DSG2: variants seen among roughly 807,000 people sequenced by gnomAD.
DSG2 encodes desmoglein-2.
DSG2 carries 45 observed loss-of-function variants against 75.6 expected under a neutral mutation model. That is an observed-to-expected ratio of 0.60 (90% CI 0.47 to 0.76). The LOEUF (loss-of-function observed/expected upper bound fraction) is 0.76. Ranked by LOEUF, DSG2 falls within the 30% of genes least tolerant of loss-of-function variation. The pLI is 0.00. For synonymous variants in DSG2, 429 were observed against 483.9 expected (o/e 0.89, Z 1.49); for missense variants, 1,267 against 1,357.4 (o/e 0.93, Z 1.05).
rs1284327629 is a variant in DSG2, at chr18:31,515,326, C to T, written c.46-2913C>T. On this transcript the variant is annotated intron_variant, in intron 1 of 14. Coordinates refer to ENST00000261590, the MANE Select transcript of DSG2 (RefSeq NM_001943.5). Reference sequence around the variant, plus strand: ...TTTACCGTGTTAGCCAGGATGGTCTCGATCATCAGACCTCATGATCCGCCT... The same window carrying T: ...TTTACCGTGTTAGCCAGGATGGTCTTGATCATCAGACCTCATGATCCGCCT... 3.9e-5 allele frequency among the ~76,000 whole-genome samples: 6 copies of T among 151,982 alleles called. No homozygotes were observed. The East Asian group carries it at 7.7e-4, about 20-fold the overall frequency.
At chr18:31,518,067 C>A (rs1314779386) in intron 1 of DSG2, among the ~76,000 whole-genome samples, 172 bp from the exon 2 acceptor site, 1 of 152,124 alleles carries the variant, frequency 6.6e-6, no homozygotes, top group Non-Finnish European at 1.5e-5. Flanking sequence ...TCGGGCACTT[C>A]CCATTAGGGA....
chr18:31,546,472 T>C lies in DSG2; in HGVS notation c.3086T>C (p.Val1029Ala), dbSNP rs769806198. 3 of 1,614,176 alleles carry C rather than the reference T, an allele frequency of 1.9e-6. No homozygotes were observed. Among genetic ancestry groups the C allele is most frequent in the Non-Finnish European group, 2.5e-6 (3 of 1,180,020 alleles). ...RESFLAPSSG[V>A]QPTLAMPNIA... ...AGCTTCCTTGCCCCCAGCTCAGGTG[T>C]GCAGCCTACTCTGGCCATGCCTAAT... Residue 1029 changes from valine (V) to alanine (A), a missense_variant, in exon 15 of 15, where the codon GTG (valine) becomes GCG (alanine). Val to Ala is a moderately conservative substitution (Grantham distance 64, BLOSUM62 0). Coordinates refer to ENST00000261590, the MANE Select transcript of DSG2 (RefSeq NM_001943.5).
chr18:31,498,772 C>A (rs1321404253), intron 1 of DSG2, among the ~76,000 whole-genome samples: 1 of 152,172 alleles, frequency 6.6e-6, no homozygotes, highest in African/African-American at 2.4e-5. Flanking sequence ...AAACCAGGAA[C>A]ATACTTGTAT....
Position 31,546,245 on chromosome 18 carries a change from G to A in DSG2, c.2859G>A (p.Leu953=), listed in dbSNP as rs1297736522. 1.2e-6 allele frequency: 2 copies of A among 1,608,164 alleles called. No individual in the cohort carries two copies. The highest frequency in any genetic ancestry group is 1.7e-6 in the Non-Finnish European group (2 of 1,176,716). Residue 953 remains leucine, a synonymous_variant, in exon 15 of 15, where the codon CTG becomes CTA. Coordinates refer to ENST00000261590, the MANE Select transcript of DSG2 (RefSeq NM_001943.5). ...GSTMPPTTVI[L]GPSQPQSLIV... is the part of the protein sequence containing the mutation. ...CTATGCCACCAACCACTGTGATCCTGGGTCCTAGCCAGCCACAGAGCCTTA... is the reference window on the plus strand; with the variant it reads ...CTATGCCACCAACCACTGTGATCCTAGGTCCTAGCCAGCCACAGAGCCTTA...
intron 8 of DSG2, among the ~76,000 whole-genome samples, chr18:31,530,394 T>C (rs992234091): frequency 1.2e-4 from 19 of 152,122 alleles, no homozygotes; most frequent in Middle Eastern, 3.2e-3. Flanking sequence ...GATTGTTAAA[T>C]ATATATACAC....
Position 31,546,038 on chromosome 18 carries a change from T to C in DSG2, c.2652T>C (p.Ser884=). The C allele has an allele frequency of 6.2e-7, 1 of 1,614,206 alleles. No homozygotes were observed. Among genetic ancestry groups the C allele is most frequent in the Non-Finnish European group, 8.5e-7 (1 of 1,180,048 alleles). ...TTAATTCAGAGAATACCTACTCCTC[T>C]GGCAGTAGCTTCCCAGTTCCAAAAT... ...TMVNSENTYS[S]GSSFPVPKSL... is the part of the protein sequence containing the mutation. Residue 884 remains serine (S), a synonymous_variant, in exon 15 of 15, where the codon TCT becomes TCC. Coordinates refer to ENST00000261590, the MANE Select transcript of DSG2 (RefSeq NM_001943.5).
At chr18:31,522,007 A>G in intron 5 of DSG2, 76 bp from the exon 6 acceptor site, 1 of 1,423,994 alleles carries the variant, frequency 7.0e-7, no homozygotes, top group Non-Finnish European at 9.7e-7. Context: ...GGAACAAGCT[A>G]AAATTATAAA....
chr18:31,499,517 AT>A (rs909687621), intron 1 of DSG2, among the ~76,000 whole-genome samples: 1 of 152,022 alleles, frequency 6.6e-6, no homozygotes, highest in African/African-American at 2.4e-5. Flanking sequence ...TATCCATTTC[AT>A]TTTCCCCGTG....
In DSG2 at chr18:31,498,285, C is replaced by T; in HGVS notation, c.34C>T (p.Leu12=). The change falls in exon 1 of 15, where the codon CTG becomes TTG. Residue 12 remains leucine (L), a synonymous_variant. Coordinates refer to ENST00000261590, the MANE Select transcript of DSG2 (RefSeq NM_001943.5). The part of the protein sequence containing the change: ...ARSPGRAYAL[L]LLLICFNVGS... Reference sequence around the variant, plus strand: ...GAGCCCGGGACGCGCGTACGCCCTGCTGCTTCTCCTGGTAAGTGCCGCAAG... The same window carrying T: ...GAGCCCGGGACGCGCGTACGCCCTGTTGCTTCTCCTGGTAAGTGCCGCAAG... 7.9e-7 allele frequency: 1 copy of T among 1,265,260 alleles called. No individual in the cohort carries two copies. Among genetic ancestry groups the T allele is most frequent in the Non-Finnish European group, 1.0e-6 (1 of 1,000,450 alleles). 78.4% of individuals were successfully genotyped at this position (1,265,260 alleles called of 1,614,324 possible). A position where few individuals can be genotyped will look rare whatever the true frequency, so the allele number is the denominator to read the frequency against.
intron 2 of DSG2, 126 bp from the exon 3 acceptor site, chr18:31,519,677 T>G: frequency 1.0e-6 from 1 of 982,256 alleles, no homozygotes; most frequent in South Asian, 1.4e-5. Flanking sequence ...CAATGAAGCC[T>G]CATAGGAAAT....
intron 1 of DSG2, 32 bp downstream of exon 1, chr18:31,498,328 C>T (rs2144276833): frequency 8.0e-7 from 1 of 1,254,392 alleles, no homozygotes; most frequent in Non-Finnish European, 1.0e-6. Flanking sequence ...GGGGAGCCAC[C>T]GCCGGGGAGG....
Position 31,498,796 on chromosome 18 carries a change from A to G in DSG2, c.45+500A>G, listed in dbSNP as rs1021728508. ...ACATACTTGTATTCTTAGAGTGCAA[A>G]AAGTTGGCTAAAAATTTTTTAAAAA... On this transcript the variant is annotated intron_variant, in intron 1 of 14. Coordinates refer to ENST00000261590, the MANE Select transcript of DSG2 (RefSeq NM_001943.5). 2.0e-5 allele frequency among the ~76,000 whole-genome samples: 3 copies of G among 152,216 alleles called. No individual in the cohort carries two copies. In the East Asian group the frequency reaches 5.8e-4, roughly 29 times the overall value.
chr18:31,535,301 A>C lies in DSG2; in HGVS notation c.1312A>C (p.Ile438Leu). ...AAAATTAGAAGATAGAGATAATTGG[A>C]TCTCTGTGGATTCTGTCACATCTGA... ...YVKLEDRDNWISVDSVTSEIK... is the reference protein window; with the variant it reads ...YVKLEDRDNWLSVDSVTSEIK... Residue 438 changes from isoleucine (I) to leucine (L), a missense_variant, in exon 10 of 15, where the codon ATC becomes CTC. Physicochemically the swap from Ile to Leu is conservative, Grantham distance 5. Coordinates refer to ENST00000261590, the MANE Select transcript of DSG2 (RefSeq NM_001943.5). 1 of 1,594,718 alleles carries C rather than the reference A, an allele frequency of 6.3e-7. No homozygotes were observed. Among genetic ancestry groups the C allele is most frequent in the Non-Finnish European group, 8.6e-7 (1 of 1,163,508 alleles).
At position 31,547,311 on chromosome 18, in the gene DSG2, A is replaced by G. The variant is rs915025818; in HGVS notation, c.*568A>G. 7 of 200,784 alleles carry G rather than the reference A, an allele frequency of 3.5e-5. No homozygotes were observed. The highest frequency in any genetic ancestry group is 2.6e-4 in the Admixed American group (5 of 18,890). 12.4% of individuals were successfully genotyped at this position (200,784 alleles called of 1,614,324 possible). A position where few individuals can be genotyped will look rare whatever the true frequency, so the allele number is the denominator to read the frequency against. On this transcript the variant is annotated 3_prime_UTR_variant, in exon 15 of 15. Transcript: ENST00000261590. ...ATTAAATTGGACCATTGATGATAAG[A>G]ATACACATTGTATGTTTCTGTGCAC...
intron 10 of DSG2, 94 bp downstream of exon 10, chr18:31,535,506 C>A (rs2073224438): frequency 1.6e-6 from 2 of 1,215,716 alleles, no homozygotes; most frequent in Admixed American, 2.0e-5. Flanking sequence ...GTATAAAAAC[C>A]TAATCTCGGC....
rs1319078257 is a variant in DSG2 at position 31,546,527 on chromosome 18, A to AGAAAGAGTTCTAGCACCT, written c.3143_3160dup (p.Glu1048_Pro1053dup). The AGAAAGAGTTCTAGCACCT allele has an allele frequency of 6.2e-6, 10 of 1,614,186 alleles. No homozygotes were observed. The highest frequency in any genetic ancestry group is 1.3e-5 in the African/African-American group (1 of 75,060). ...CAGTAGGACAGAATGTGACAGTGAC[A>AGAAAGAGTTCTAGCACCT]GAAAGAGTTCTAGCACCTGCTTCCA... is the stretch of plus-strand genomic sequence containing the variant. On this transcript the variant is annotated inframe_insertion, in exon 15 of 15. Transcript: ENST00000261590.
intron 1 of DSG2, among the ~76,000 whole-genome samples, chr18:31,500,462 C>T (rs569412890): frequency 2.0e-5 from 3 of 152,274 alleles, no homozygotes; most frequent in African/African-American, 7.2e-5. Flanking sequence ...TGTACCTTGC[C>T]TCTTGGTGTT....
At chr18:31,513,285 C>T (rs2073076646) in intron 1 of DSG2, among the ~76,000 whole-genome samples, 1 of 152,178 alleles carries the variant, frequency 6.6e-6, no homozygotes, top group African/African-American at 2.4e-5. Flanking sequence ...CCCTCATGGT[C>T]ACAGCATGGC....
At chr18:31,541,055 G>A (rs1405056750) in intron 12 of DSG2, 138 bp from the exon 13 acceptor site, 4 of 1,115,156 alleles carry the variant, frequency 3.6e-6, no homozygotes, top group Non-Finnish European at 5.2e-6. Flanking sequence ...TTGGATCAGG[G>A]TGAAGAAAAG....
Sources: allele counts gnomAD v4.1 joint callset (sites outside exome capture counted in the v4.1 genomes callset), GRCh38; gene constraint gnomAD v4.1.1; transcripts MANE v1.5; gene names NCBI Gene and HGNC (gene_info 2026-07-23, HGNC 2026-07-21).